The following NWD1 variants were observed in gnomAD, a reference collection of about 807,000 sequenced individuals.
The protein encoded by NWD1 is NACHT domain- and WD repeat-containing protein 1.
In NWD1, 129 loss-of-function variants were observed where a neutral mutation model predicts 135.1. The ratio of observed to expected loss-of-function variants is 0.96; its 90% confidence interval spans 0.83 to 1.11. NWD1 has a LOEUF of 1.11. Among genes scored for constraint, NWD1 ranks in the 50% least tolerant of loss-of-function variants. NWD1 has a pLI of 0.00. For synonymous variants in NWD1, 773 were observed against 786.0 expected, an observed-to-expected ratio of 0.98 and a Z score of 0.28; for missense variants, 1,740 against 1,851.3, an observed-to-expected ratio of 0.94 and a Z score of 1.10.
At chr19:16,799,515 A>AT (rs1347702847) in intron 16 of NWD1, among the ~76,000 whole-genome samples, 2 of 147,240 alleles carry the variant, frequency 1.4e-5, no homozygotes, top group East Asian at 2.0e-4. Flanking sequence ...TTTTATTTTT[A>AT]TTTTTTTTGA....
At chr19:16,739,689 C>T (rs903787350) in intron 4 of NWD1, among the ~76,000 whole-genome samples, 1 of 152,094 alleles carries the variant, frequency 6.6e-6, no homozygotes, top group African/African-American at 2.4e-5. Flanking sequence ...GTGCTGGAGG[C>T]CCTTGGAGAG....
intron 18 of NWD1, among the ~76,000 whole-genome samples, chr19:16,811,858 A>G (rs1970935959): frequency 6.6e-6 from 1 of 151,898 alleles, no homozygotes; most frequent in Non-Finnish European, 1.5e-5. Flanking sequence ...TCTACTAAAA[A>G]CACAAAAATT....
Position 16,759,418 on chromosome 19 carries a change from A to G in NWD1, c.1963A>G (p.Ile655Val), listed in dbSNP as rs969461260. Residue 655 changes from isoleucine to valine, a missense_variant, in exon 7 of 19, where the codon ATT (isoleucine) becomes GTT (valine). Physicochemically the swap from Ile to Val is conservative, Grantham distance 29. Coordinates refer to ENST00000524140, the MANE Select transcript of NWD1 (RefSeq NM_001007525.5). ...CGTGGATGGCTTCACCCTCCTGGCC[A>G]TTGCCCACAGGTAGGTCCAGGCAGC... The part of the protein sequence containing the change: ...RPVDGFTLLA[I>V]AHRQLVEVVR... 13 of 1,561,164 alleles carry G rather than the reference A, an allele frequency of 8.3e-6. No individual in the cohort carries two copies. The African/African-American group carries it at 1.4e-4, about 16-fold the overall frequency.
chr19:16,778,015 G>GGGGAGGGAAGGGAAA (rs1969718113), intron 11 of NWD1, among the ~76,000 whole-genome samples: 1 of 143,050 alleles, frequency 7.0e-6, no homozygotes, highest in Non-Finnish European at 1.5e-5. Flanking sequence ...AGGGAAGGAA[G>GGGGAGGGAAGGGAAA]GGGAGGGAAG....
chr19:16,758,791 C>G lies in NWD1; in HGVS notation c.1770-434C>G, dbSNP rs796499787. 9.2e-5 allele frequency among the ~76,000 whole-genome samples: 14 copies of G among 151,946 alleles called. 1 individual carries two copies. Among genetic ancestry groups the G allele is most frequent in the African/African-American group, 3.4e-4 (14 of 41,474 alleles). On this transcript the variant is annotated intron_variant, in intron 6 of 18. Transcript: ENST00000524140. Reference sequence around the variant, plus strand: ...TTGGGAGACCGAGGCAGGTGGATCACGAGGTCAGGAGTTGGAGACCAGCTT... The same window carrying G: ...TTGGGAGACCGAGGCAGGTGGATCAGGAGGTCAGGAGTTGGAGACCAGCTT...
chr19:16,752,145 C>T (rs1041971858), intron 6 of NWD1, among the ~76,000 whole-genome samples: 3 of 151,954 alleles, frequency 2.0e-5, no homozygotes, highest in Non-Finnish European at 2.9e-5. Context: ...TGCAACTGGC[C>T]AACAGCAAAC....
chr19:16,742,354 G>A (rs1008664429), intron 4 of NWD1, among the ~76,000 whole-genome samples: 2 of 152,102 alleles, frequency 1.3e-5, no homozygotes, highest in African/African-American at 2.4e-5. Flanking sequence ...CAGCCTGGGC[G>A]ACAGAGGGAG....
chr19:16,763,003 C>T (rs184718134), intron 8 of NWD1, among the ~76,000 whole-genome samples: 3 of 152,196 alleles, frequency 2.0e-5, no homozygotes, highest in South Asian at 4.2e-4. Flanking sequence ...AGGCTGGTCT[C>T]GAACTCCTGA....
In NWD1 at chr19:16,762,051, C is replaced by A; in HGVS notation, c.2046C>A (p.Ala682=). ...GAGCCAAGAGGCATGGCGTCCTGGC[C>A]GACTTCTTCTCAGGGACCTGGAGCC... ...SERAKRHGVL[A]DFFSGTWSQG... is the part of the protein sequence containing the mutation. The change falls in exon 8 of 19, where the codon GCC becomes GCA. Residue 682 remains alanine (A), a synonymous_variant. Transcript: ENST00000524140. The A allele has an allele frequency of 6.2e-7, 1 of 1,613,968 alleles. No homozygotes were observed. Among genetic ancestry groups the A allele is most frequent in the Non-Finnish European group, 8.5e-7 (1 of 1,179,910 alleles).
intron 3 of NWD1, among the ~76,000 whole-genome samples, chr19:16,733,414 G>A (rs138478614): frequency 2.0e-5 from 3 of 151,728 alleles, no homozygotes; most frequent in Non-Finnish European, 2.9e-5. Context: ...CCAGCTACTC[G>A]GGAGGCTGGG....
intron 17 of NWD1, among the ~76,000 whole-genome samples, chr19:16,803,755 TAA>T (rs756016333): frequency 3.7e-4 from 47 of 128,396 alleles, no homozygotes; most frequent in African/African-American, 4.3e-4. Context: ...CAACTCTACT[TAA>T]AAAAAAAAAA....
chr19:16,787,877 AATAAT>A (rs1970092285), intron 12 of NWD1, among the ~76,000 whole-genome samples: 2 of 42,102 alleles, frequency 4.8e-5, no homozygotes, highest in African/African-American at 1.5e-4. Context: ...TAATAATAAC[AATAAT>A]AATAATAATA....
chr19:16,745,188 A>T (rs766420999), intron 5 of NWD1: 3 of 399,842 alleles, frequency 7.5e-6, no homozygotes, highest in Non-Finnish European at 1.5e-5. Flanking sequence ...GAAATTCCTT[A>T]TAAAACCATC....
intron 2 of NWD1, among the ~76,000 whole-genome samples, chr19:16,730,696 G>A (rs1967522353): frequency 6.6e-6 from 1 of 152,008 alleles, no homozygotes; most frequent in South Asian, 2.1e-4. Flanking sequence ...CAGCCTGGGT[G>A]ATGGAGTGAG....
chr19:16,788,406 A>G (rs529090879), intron 12 of NWD1, among the ~76,000 whole-genome samples: 5 of 150,956 alleles, frequency 3.3e-5, no homozygotes, highest in Admixed American at 1.3e-4. Context: ...CGTCTCCACT[A>G]AAAATAGAAA....
intron 10 of NWD1, among the ~76,000 whole-genome samples, chr19:16,771,511 G>A (rs1969409736): frequency 6.6e-6 from 1 of 152,184 alleles, no homozygotes; most frequent in South Asian, 2.1e-4. Flanking sequence ...TGGAATTTAA[G>A]GCAACTGGAA....
chr19:16,744,926 T>G (rs1212339742), intron 5 of NWD1: 2 of 653,306 alleles, frequency 3.1e-6, no homozygotes, highest in East Asian at 5.5e-5. Flanking sequence ...TCTCAGGATC[T>G]TCCTCTCCTC....
At chr19:16,765,244 G>A (rs754959785) in intron 10 of NWD1, 52 bp downstream of exon 10, 4 of 1,536,738 alleles carry the variant, frequency 2.6e-6, no homozygotes, top group Admixed American at 1.8e-5. Context: ...CTGACTTCTA[G>A]AAACATGCTC....
rs371338220 is a variant in NWD1 at position 16,749,688 on chromosome 19, C to A, written c.1046C>A (p.Ala349Asp). The A allele has an allele frequency of 1.9e-5, 31 of 1,601,438 alleles. No individual in the cohort carries two copies. Among genetic ancestry groups the A allele is most frequent in the Non-Finnish European group, 2.5e-5 (29 of 1,172,782 alleles). ...LFGPPGIGKT[A>D]LMCKLAEQMP... ...GGGCCCCCAGGCATTGGAAAGACAG[C>A]CCTGATGTGCAAGCTGGCTGAGCAG... The change falls in exon 6 of 19, where the codon GCC becomes GAC. Residue 349 changes from alanine (A) to aspartate (D), a missense_variant. Coordinates refer to ENST00000524140, the MANE Select transcript of NWD1 (RefSeq NM_001007525.5).
Sources: gnomAD v4.1 joint callset for allele counts (sites outside exome capture counted in the v4.1 genomes callset) on GRCh38, gnomAD v4.1.1 for gene constraint, MANE v1.5 for transcripts, NCBI Gene and HGNC (gene_info 2026-07-23, HGNC 2026-07-21) for gene names.